The following COL4A4 variants were observed in gnomAD, a reference collection of about 807,000 sequenced individuals.
COL4A4 encodes collagen alpha-4(IV) chain.
COL4A4 carries 105 observed loss-of-function variants against 192.9 expected under a neutral mutation model. The ratio of observed to expected loss-of-function variants is 0.54; its 90% CI spans 0.46 to 0.64. The LOEUF is 0.64. COL4A4 is among the 30% of genes least tolerant of loss of function. The probability of loss-of-function intolerance (pLI) is 0.00; values close to 1 mark genes in which losing one functional copy is unlikely to be tolerated. For missense variants in COL4A4, 1,967 were observed against 2,169.3 expected (o/e 0.91, Z 1.85); for synonymous variants, 762 against 769.9 (o/e 0.99, Z 0.17).
chr2:227,092,146 G>C (rs1402080731), intron 20 of COL4A4, among the ~76,000 whole-genome samples: 1 of 152,098 alleles, frequency 6.6e-6, no homozygotes, highest in Non-Finnish European at 1.5e-5. Flanking sequence ...AATGTTATGA[G>C]TTCTCAGTAG....
At chr2:227,032,721 T>C (rs1410444962) in intron 38 of COL4A4, among the ~76,000 whole-genome samples, 1 of 152,214 alleles carries the variant, frequency 6.6e-6, no homozygotes, top group African/African-American at 2.4e-5. Context: ...ATCTACTAAA[T>C]GAATCTTAAG....
the COL4A4 span, among the ~76,000 whole-genome samples, chr2:226,977,624 G>C: frequency 1.3e-5 from 2 of 152,214 alleles, no homozygotes; most frequent in Non-Finnish European, 2.9e-5. Flanking sequence ...TGCACAGGGA[G>C]AAGCATAATA....
intron 1 of COL4A4, among the ~76,000 whole-genome samples, chr2:227,154,682 T>G (rs2064199627): frequency 6.6e-6 from 1 of 152,252 alleles, no homozygotes; most frequent in Non-Finnish European, 1.5e-5. Context: ...CCTGTTTCTA[T>G]ATACATTTCT....
Position 227,104,028 on chromosome 2 carries a change from G to A in COL4A4, c.760C>T (p.Pro254Ser), listed in dbSNP as rs2060673606. ...DPGEVGQQGS[P>S]GPTLLVEPPD... Reference sequence around the variant, plus strand: ...GGCTCTACCAACAGGGTGGGTCCAGGAGAACCTTGCTGACCAACCTCACCC... The same window carrying A: ...GGCTCTACCAACAGGGTGGGTCCAGAAGAACCTTGCTGACCAACCTCACCC... The change falls in exon 13 of 48, where the codon CCT (proline) becomes TCT (serine). Residue 254 changes from proline (P) to serine (S), a missense_variant. By Grantham distance (74) the Pro-to-Ser change is moderately conservative (BLOSUM62 -1). Coordinates refer to ENST00000396625, the MANE Select transcript of COL4A4 (RefSeq NM_000092.5). 1.2e-6 allele frequency: 2 copies of A among 1,613,242 alleles called. No individual in the cohort carries two copies. Among genetic ancestry groups the A allele is most frequent in the Non-Finnish European group, 1.7e-6 (2 of 1,179,900 alleles).
chr2:227,059,208 ACAAT>A (rs1388524052), intron 28 of COL4A4, among the ~76,000 whole-genome samples, 193 bp downstream of exon 28: 5 of 152,360 alleles, frequency 3.3e-5, no homozygotes, highest in Non-Finnish European at 7.3e-5. Context: ...GCATTTGAAA[ACAAT>A]CAATAAAGTG....
chr2:227,146,261 A>T (rs1008915355), intron 2 of COL4A4, among the ~76,000 whole-genome samples: 1 of 150,906 alleles, frequency 6.6e-6, no homozygotes, highest in Non-Finnish European at 1.5e-5. Flanking sequence ...GCCACTGTAG[A>T]TATTAAAAAG....
chr2:227,121,577 G>GAAAAAAGAA (rs34830245), intron 4 of COL4A4, among the ~76,000 whole-genome samples: 3 of 139,748 alleles, frequency 2.1e-5, no homozygotes, highest in Non-Finnish European at 3.0e-5. Flanking sequence ...AAAAAAAAAA[G>GAAAAAAGAA]AAAAGAAAAG....
chr2:226,976,085 CA>C, the COL4A4 span, among the ~76,000 whole-genome samples: 13 of 151,468 alleles, frequency 8.6e-5, no homozygotes, highest in Non-Finnish European at 1.3e-4. Flanking sequence ...TGGATTGGAG[CA>C]GAGGTACAAA....
intron 3 of COL4A4, among the ~76,000 whole-genome samples, chr2:227,141,539 A>G (rs10498218): frequency 0.011 from 1,675 of 152,294 alleles, 33 homozygotes; most frequent in African/African-American, 0.038. Flanking sequence ...TCACTCGCAC[A>G]GTTTAGGCTT....
At chr2:226,984,991 G>A in the COL4A4 span, among the ~76,000 whole-genome samples, 1 of 151,194 alleles carries the variant, frequency 6.6e-6, no homozygotes, top group Non-Finnish European at 1.5e-5. Flanking sequence ...CAAGTGGGGG[G>A]TTTGAGTGAA....
intron 20 of COL4A4, 51 bp from the exon 21 acceptor site, chr2:227,090,008 C>T (rs772562434): frequency 6.8e-7 from 1 of 1,459,890 alleles, no homozygotes; most frequent in South Asian, 1.1e-5. Flanking sequence ...ATTTTTCTGA[C>T]TGTCTTCTAT....
intron 9 of COL4A4, among the ~76,000 whole-genome samples, chr2:227,109,736 ACT>A (rs2061084349): frequency 6.8e-6 from 1 of 147,528 alleles, no homozygotes; most frequent in Admixed American, 6.9e-5. Context: ...AAAGAGCAAG[ACT>A]CTGTCTCAAA....
chr2:227,094,413 T>A, intron 19 of COL4A4, 124 bp from the exon 20 acceptor site: 2 of 901,458 alleles, frequency 2.2e-6, no homozygotes, highest in Non-Finnish European at 3.5e-6. Context: ...GAGACGGAGC[T>A]GGAGGTCATT....
intron 29 of COL4A4, among the ~76,000 whole-genome samples, 176 bp from the exon 30 acceptor site, chr2:227,056,291 T>C (rs1975335217): frequency 6.6e-6 from 1 of 152,204 alleles, no homozygotes; most frequent in African/African-American, 2.4e-5. Context: ...CTAGATGCCA[T>C]AAATAGAAGG....
the COL4A4 span, among the ~76,000 whole-genome samples, chr2:226,983,563 C>G: frequency 6.6e-6 from 1 of 152,182 alleles, no homozygotes; most frequent in Non-Finnish European, 1.5e-5. Flanking sequence ...TGGTTGTTCT[C>G]AGCAGAAGTT....
the COL4A4 span, chr2:226,995,943 C>T: frequency 6.1e-6 from 1 of 164,626 alleles, no homozygotes; most frequent in Non-Finnish European, 1.3e-5. Context: ...GCCATCCCCG[C>T]GTCCTCCTGG....
At chr2:227,070,805 G>C (rs2058675513) in intron 25 of COL4A4, among the ~76,000 whole-genome samples, 2 of 151,638 alleles carry the variant, frequency 1.3e-5, no homozygotes, top group Admixed American at 1.3e-4. Flanking sequence ...CAGCACAGCA[G>C]CATGTCACAT....
intron 1 of COL4A4, among the ~76,000 whole-genome samples, chr2:227,147,998 A>G (rs978327658): frequency 3.3e-5 from 5 of 152,106 alleles, no homozygotes; most frequent in African/African-American, 1.2e-4. Context: ...CTTCTAGTAT[A>G]CAAACATACA....
chr2:227,046,256 A>G (rs1467680880), intron 35 of COL4A4, among the ~76,000 whole-genome samples: 1 of 150,428 alleles, frequency 6.6e-6, no homozygotes, highest in African/African-American at 2.5e-5. Context: ...TTTCTCATAT[A>G]GTTCTGCTCA....
Sources: allele counts gnomAD v4.1 joint callset (sites outside exome capture counted in the v4.1 genomes callset), GRCh38; gene constraint gnomAD v4.1.1; transcripts MANE v1.5; gene names NCBI Gene and HGNC (gene_info 2026-07-23, HGNC 2026-07-21).